The following KDELR2 variants were observed in gnomAD, a reference collection of about 807,000 sequenced individuals.
KDELR2 encodes KDEL endoplasmic reticulum protein retention receptor 2.
In KDELR2, 15 loss-of-function variants were observed where a neutral mutation model predicts 23.9. That is an observed-to-expected ratio of 0.63 (90% CI 0.42 to 0.97). KDELR2 has a LOEUF of 0.97. Ranked by LOEUF, KDELR2 falls within the 50% of genes least tolerant of loss-of-function variation. KDELR2 has a pLI of 0.00. For missense variants in KDELR2, 272 were observed against 254.6 expected, an observed-to-expected ratio of 1.07 and a Z score of -0.46; for synonymous variants, 119 against 106.2, an observed-to-expected ratio of 1.12 and a Z score of -0.74.
intron 4 of KDELR2, among the ~76,000 whole-genome samples, chr7:6,464,193 G>T (rs1785449650): frequency 4.8e-5 from 3 of 61,886 alleles, no homozygotes; most frequent in African/African-American, 1.5e-4. Flanking sequence ...GCAAAACTCT[G>T]TCTCAAAAAA....
chr7:6,464,008 C>G (rs1785443354), intron 4 of KDELR2, among the ~76,000 whole-genome samples: 1 of 122,930 alleles, frequency 8.1e-6, no homozygotes, highest in Admixed American at 7.9e-5. Context: ...ACCAGCCTGA[C>G]CAACATAGAG....
In KDELR2 at chr7:6,483,955, C is replaced by G; in HGVS notation, c.91+12G>C. Reference sequence around the variant, plus strand: ...ACGCCCGAGCCTCTCCGGGCCTTCCCCCGCCGCTCACCGGCGCAGGAGCGC... The same window carrying G: ...ACGCCCGAGCCTCTCCGGGCCTTCCGCCGCCGCTCACCGGCGCAGGAGCGC... On this transcript the variant is annotated intron_variant, in intron 1 of 4. Coordinates refer to ENST00000258739, the MANE Select transcript of KDELR2 (RefSeq NM_006854.4). 1 of 1,505,946 alleles carries G rather than the reference C, an allele frequency of 6.6e-7. No individual in the cohort carries two copies. The highest frequency in any genetic ancestry group is 1.8e-4 in the Middle Eastern group (1 of 5,578). 93.3% of individuals were successfully genotyped at this position (1,505,946 alleles called of 1,614,324 possible).
rs1029555651 is a variant in KDELR2, at chr7:6,484,097, C to T, written c.-40G>A. 5.0e-6 allele frequency: 7 copies of T among 1,391,376 alleles called. No homozygotes were observed. The African/African-American group carries it at 6.0e-5, about 12-fold the overall frequency. The allele number at this position is 1,391,376 out of a possible 1,614,324, so 86.2% of individuals were successfully genotyped here. On this transcript the variant is annotated 5_prime_UTR_variant, in exon 1 of 5. Coordinates refer to ENST00000258739, the MANE Select transcript of KDELR2 (RefSeq NM_006854.4). Reference sequence around the variant, plus strand: ...TGGCGGTCGGCGCAGCGCGGCGGCCCCGGGGCTGGGCGGCTCAGGAGGCGG... The same window carrying T: ...TGGCGGTCGGCGCAGCGCGGCGGCCTCGGGGCTGGGCGGCTCAGGAGGCGG...
At chr7:6,471,637 A>G (rs1785644969) in intron 2 of KDELR2, among the ~76,000 whole-genome samples, 2 of 152,172 alleles carry the variant, frequency 1.3e-5, no homozygotes, top group African/African-American at 4.8e-5. Flanking sequence ...TCACTTCAAG[A>G]ACCTACCAAT....
At chr7:6,477,331 T>C (rs772135044) in intron 1 of KDELR2, among the ~76,000 whole-genome samples, 3 of 152,160 alleles carry the variant, frequency 2.0e-5, no homozygotes, top group Admixed American at 6.5e-5. Flanking sequence ...ACAACAAAAC[T>C]GTCCTGTCTT....
At position 6,484,025 on chromosome 7, in the gene KDELR2, G is replaced by A; in HGVS notation, c.33C>T (p.Ser11=). 3 of 1,526,180 alleles carry A rather than the reference G, an allele frequency of 2.0e-6. No homozygotes were observed. Among genetic ancestry groups the A allele is most frequent in the Non-Finnish European group, 2.6e-6 (3 of 1,134,164 alleles). 94.5% of individuals were successfully genotyped at this position (1,526,180 alleles called of 1,614,324 possible). A position where few individuals can be genotyped will look rare whatever the true frequency, so the allele number is the denominator to read the frequency against. MNIFRLTGDL[S]HLAAIVILLL... is the part of the protein sequence containing the mutation. Reference sequence around the variant, plus strand: ...GCAGGATGACGATGGCCGCCAGGTGGGACAGGTCCCCAGTCAGCCGGAAAA... The same window carrying A: ...GCAGGATGACGATGGCCGCCAGGTGAGACAGGTCCCCAGTCAGCCGGAAAA... The change falls in exon 1 of 5, where the codon TCC becomes TCT. Residue 11 remains serine, a synonymous_variant. Transcript: ENST00000258739.
rs1001042165 is a variant in KDELR2 at position 6,462,232 on chromosome 7, T to C, written c.*909A>G. 1.3e-5 allele frequency: 2 copies of C among 152,064 alleles called. No individual in the cohort carries two copies. Among genetic ancestry groups the C allele is most frequent in the African/African-American group, 4.8e-5 (2 of 41,408 alleles). 9.4% of individuals were successfully genotyped at this position (152,064 alleles called of 1,614,324 possible). ...ATCATCTTACCACCCAAAAGTGATA[T>C]GGAAAACTGTTTGAATCTGAGCATG... On this transcript the variant is annotated 3_prime_UTR_variant, in exon 5 of 5. Transcript: ENST00000258739.
chr7:6,478,346 C>T lies in KDELR2; in HGVS notation c.92-4062G>A, dbSNP rs184737425. ...TTTTTTTTGTAGAGACAGGGTTTCACTATGTTGCCCAGGCTGGTCTCAAGC... is the reference window on the plus strand; with the variant it reads ...TTTTTTTTGTAGAGACAGGGTTTCATTATGTTGCCCAGGCTGGTCTCAAGC... On this transcript the variant is annotated intron_variant, in intron 1 of 4. Coordinates refer to ENST00000258739, the MANE Select transcript of KDELR2 (RefSeq NM_006854.4). Among the ~76,000 whole-genome samples, 35 of 152,154 alleles carry T rather than the reference C, an allele frequency of 2.3e-4. No individual in the cohort carries two copies. The East Asian group carries it at 6.4e-3, about 28-fold the overall frequency.
chr7:6,469,590 A>G lies in KDELR2; in HGVS notation c.351+6T>C, dbSNP rs752058023. On this transcript the variant is annotated splice_donor_region_variant and intron_variant, in intron 3 of 4. Coordinates refer to ENST00000258739, the MANE Select transcript of KDELR2 (RefSeq NM_006854.4). ...TGCCTGGCCCTAAGTAACCTTTTAAACTAACCTCAAGAGGAGAGAAATCGT... is the reference window on the plus strand; with the variant it reads ...TGCCTGGCCCTAAGTAACCTTTTAAGCTAACCTCAAGAGGAGAGAAATCGT... 1.9e-6 allele frequency: 3 copies of G among 1,612,938 alleles called. No homozygotes were observed. Among genetic ancestry groups the G allele is most frequent in the Admixed American group, 1.7e-5 (1 of 59,730 alleles).
At chr7:6,466,359 C>G in intron 3 of KDELR2, 36 bp from the exon 4 acceptor site, 1 of 1,605,640 alleles carries the variant, frequency 6.2e-7, no homozygotes, top group Non-Finnish European at 8.5e-7. Context: ...TCACGACCCA[C>G]TGCCCACCAG....
chr7:6,481,089 G>A (rs892196866), intron 1 of KDELR2, among the ~76,000 whole-genome samples: 21 of 152,060 alleles, frequency 1.4e-4, no homozygotes, highest in African/African-American at 1.4e-4. Flanking sequence ...AAAAACAAAC[G>A]GCCAGGCGCA....
chr7:6,472,400 C>A (rs1349071314), intron 2 of KDELR2, among the ~76,000 whole-genome samples: 1 of 152,172 alleles, frequency 6.6e-6, no homozygotes, highest in Admixed American at 6.6e-5. Context: ...TCGGGTCTCA[C>A]GCCAGACTTT....
intron 3 of KDELR2, among the ~76,000 whole-genome samples, chr7:6,468,386 G>A (rs1417948895): frequency 2.6e-5 from 4 of 152,220 alleles, no homozygotes; most frequent in Non-Finnish European, 4.4e-5. Flanking sequence ...CTGGAGTGCA[G>A]TGGCTCGATC....
intron 2 of KDELR2, among the ~76,000 whole-genome samples, chr7:6,473,854 C>T (rs969778427): frequency 2.6e-5 from 4 of 152,122 alleles, no homozygotes; most frequent in Non-Finnish European, 4.4e-5. Context: ...TAATTTCCCA[C>T]GGCTTGAAAA....
At chr7:6,478,163 GT>G (rs921914501) in intron 1 of KDELR2, among the ~76,000 whole-genome samples, 300 of 147,902 alleles carry the variant, frequency 2.0e-3, no homozygotes, top group Middle Eastern at 3.5e-3. Context: ...CCGCCCCCCG[GT>G]TTTTTTTTTG....
Position 6,484,113 on chromosome 7 carries a change from C to CAGGAGGCGGCGGCCCCTGAG in KDELR2, c.-76_-57dup. 1 of 1,243,906 alleles carries CAGGAGGCGGCGGCCCCTGAG rather than the reference C, an allele frequency of 8.0e-7. No individual in the cohort carries two copies. Among genetic ancestry groups the CAGGAGGCGGCGGCCCCTGAG allele is most frequent in the Non-Finnish European group, 1.0e-6 (1 of 980,076 alleles). 77.1% of individuals were successfully genotyped at this position (1,243,906 alleles called of 1,614,324 possible). ...GCGGCGGCCCCGGGGCTGGGCGGCTCAGGAGGCGGCGGCCCCTGAGAGGAA... is the reference window on the plus strand; with the variant it reads ...GCGGCGGCCCCGGGGCTGGGCGGCTCAGGAGGCGGCGGCCCCTGAGAGGAGGCGGCGGCCCCTGAGAGGAA... On this transcript the variant is annotated 5_prime_UTR_variant, in exon 1 of 5. Coordinates refer to ENST00000258739, the MANE Select transcript of KDELR2 (RefSeq NM_006854.4).
rs899888642 is a variant in KDELR2, at chr7:6,463,199, G to C, written c.605-24C>G. 1.9e-6 allele frequency: 3 copies of C among 1,591,046 alleles called. No homozygotes were observed. In the African/African-American group the frequency reaches 4.1e-5, roughly 21 times the overall value. ...TACTAGAATTTCAAAGAGAAGAAAAGAAAACAAAAGGTTACTGATATTGAC... is the reference window on the plus strand; with the variant it reads ...TACTAGAATTTCAAAGAGAAGAAAACAAAACAAAAGGTTACTGATATTGAC... On this transcript the variant is annotated intron_variant, in intron 4 of 4. Coordinates refer to ENST00000258739, the MANE Select transcript of KDELR2 (RefSeq NM_006854.4).
At chr7:6,482,622 A>T (rs1208533578) in intron 1 of KDELR2, 22 of 463,466 alleles carry the variant, frequency 4.7e-5, no homozygotes, top group Non-Finnish European at 9.0e-5. Context: ...TGTAAGTGTG[A>T]CTTTAGACGC....
chr7:6,464,907 T>C (rs1466679417), intron 4 of KDELR2, among the ~76,000 whole-genome samples: 4 of 151,860 alleles, frequency 2.6e-5, no homozygotes, highest in Non-Finnish European at 5.9e-5. Context: ...CGGCTAATTT[T>C]GTATTTTTAG....
Sources: allele counts gnomAD v4.1 joint callset (sites outside exome capture counted in the v4.1 genomes callset), GRCh38; gene constraint gnomAD v4.1.1; transcripts MANE v1.5; gene names NCBI Gene and HGNC (gene_info 2026-07-23, HGNC 2026-07-21).